WIF1: variants seen among roughly 807,000 people sequenced by gnomAD.
The protein encoded by WIF1 is Wnt inhibitory factor 1.
In WIF1, 35 loss-of-function variants were observed where a neutral mutation model predicts 53.5. That is an observed-to-expected ratio of 0.65 (90% confidence interval 0.50 to 0.87). WIF1 has a LOEUF of 0.87. Ranked by LOEUF, WIF1 falls within the 40% of genes least tolerant of loss-of-function variation. The pLI is 0.00. For synonymous variants in WIF1, 171 were observed against 170.4 expected (o/e 1.00, Z -0.03); for missense variants, 467 against 476.8 (o/e 0.98, Z 0.19).
chr12:65,092,673 G>A (rs1052361962), intron 2 of WIF1, among the ~76,000 whole-genome samples: 2 of 151,936 alleles, frequency 1.3e-5, no homozygotes, highest in African/African-American at 4.8e-5. Context: ...AAGTCCTTCA[G>A]GTGGCAGTGT....
chr12:65,065,447 A>G (rs1882673869), intron 6 of WIF1, among the ~76,000 whole-genome samples: 11 of 152,192 alleles, frequency 7.2e-5, no homozygotes. Context: ...AATACTTTAC[A>G]TATCTCAAAA....
At chr12:65,118,413 AT>A (rs1883545444) in intron 2 of WIF1, among the ~76,000 whole-genome samples, 1 of 152,238 alleles carries the variant, frequency 6.6e-6, no homozygotes, top group Non-Finnish European at 1.5e-5. Flanking sequence ...ACATAAAAAA[AT>A]AATATTTTAA....
intron 2 of WIF1, among the ~76,000 whole-genome samples, chr12:65,095,540 G>A (rs548797191): frequency 5.1e-4 from 77 of 152,110 alleles, no homozygotes; most frequent in Admixed American, 1.5e-3. Context: ...TCAATAGTCC[G>A]TTTTATTTTG....
chr12:65,096,256 A>G (rs1404693082), intron 2 of WIF1, among the ~76,000 whole-genome samples: 3 of 152,230 alleles, frequency 2.0e-5, no homozygotes, highest in Non-Finnish European at 4.4e-5. Flanking sequence ...TGATAAATAT[A>G]TAAAAATAAG....
intron 2 of WIF1, among the ~76,000 whole-genome samples, chr12:65,091,782 A>C (rs1483502430): frequency 1.3e-5 from 2 of 152,206 alleles, no homozygotes; most frequent in East Asian, 3.8e-4. Context: ...CACACAGAAG[A>C]GCAAATCATT....
chr12:65,109,308 A>C (rs906623417), intron 2 of WIF1, among the ~76,000 whole-genome samples: 1 of 152,150 alleles, frequency 6.6e-6, no homozygotes, highest in Non-Finnish European at 1.5e-5. Flanking sequence ...CAGTAGCAAA[A>C]TCCTCTAGCT....
intron 2 of WIF1, among the ~76,000 whole-genome samples, chr12:65,085,138 A>T (rs1344281264): frequency 3.3e-5 from 5 of 152,190 alleles, no homozygotes; most frequent in African/African-American, 9.6e-5. Flanking sequence ...TTTGCCTTCT[A>T]TAAATTACAG....
intron 9 of WIF1, among the ~76,000 whole-genome samples, chr12:65,052,213 T>C (rs140457740): frequency 1.7e-4 from 26 of 152,368 alleles, no homozygotes; most frequent in South Asian, 4.1e-4. Context: ...TGCATCTTCT[T>C]GTGCATCTGA....
chr12:65,109,946 T>C (rs1883405251), intron 2 of WIF1, among the ~76,000 whole-genome samples: 1 of 152,234 alleles, frequency 6.6e-6, no homozygotes, highest in African/African-American at 2.4e-5. Flanking sequence ...TGAATCTTTT[T>C]AAATTTGGCA....
intron 2 of WIF1, among the ~76,000 whole-genome samples, chr12:65,097,403 A>G (rs1299927814): frequency 6.6e-6 from 1 of 152,178 alleles, no homozygotes; most frequent in Admixed American, 6.6e-5. Context: ...AAAATGAGAA[A>G]TCTAGCCTCT....
chr12:65,094,343 A>C (rs1883169443), intron 2 of WIF1, among the ~76,000 whole-genome samples: 1 of 152,216 alleles, frequency 6.6e-6, no homozygotes, highest in African/African-American at 2.4e-5. Context: ...CCGACAAATC[A>C]TTGTTAAAAT....
At chr12:65,102,651 A>G (rs1383329322) in intron 2 of WIF1, among the ~76,000 whole-genome samples, 3 of 152,170 alleles carry the variant, frequency 2.0e-5, no homozygotes, top group African/African-American at 7.2e-5. Flanking sequence ...AACATCATAC[A>G]TGATGTTTTT....
chr12:65,108,771 G>A (rs1282991392), intron 2 of WIF1, among the ~76,000 whole-genome samples: 2 of 152,170 alleles, frequency 1.3e-5, no homozygotes, highest in Admixed American at 1.3e-4. Flanking sequence ...CTCATAGACA[G>A]AACTGTTGAA....
At chr12:65,092,037 G>A (rs1883130251) in intron 2 of WIF1, among the ~76,000 whole-genome samples, 1 of 152,094 alleles carries the variant, frequency 6.6e-6, no homozygotes, top group Non-Finnish European at 1.5e-5. Flanking sequence ...CTATGTGGAA[G>A]ACTTCAGTGG....
At chr12:65,069,628 T>A (rs1882743220) in intron 3 of WIF1, among the ~76,000 whole-genome samples, 1 of 152,170 alleles carries the variant, frequency 6.6e-6, no homozygotes, top group Non-Finnish European at 1.5e-5. Context: ...ATGGTTTATG[T>A]TCTTAAAGAG....
At chr12:65,083,733 T>C in intron 2 of WIF1, 1 of 335,470 alleles carries the variant, frequency 3.0e-6, no homozygotes, top group Non-Finnish European at 5.6e-6. Context: ...CCACTTGATT[T>C]CTCTTTTCTT....
At position 65,121,219 on chromosome 12, in the gene WIF1, A is replaced by G. The variant is rs1391114252; in HGVS notation, c.-28T>C. 9.7e-6 allele frequency: 14 copies of G among 1,447,182 alleles called. No homozygotes were observed. In the South Asian group the frequency reaches 1.7e-4, roughly 18 times the overall value. The allele number at this position is 1,447,182 out of a possible 1,614,324, so 89.6% of individuals were successfully genotyped here. On this transcript the variant is annotated 5_prime_UTR_variant, in exon 1 of 10. Transcript: ENST00000286574. Reference sequence around the variant, plus strand: ...TGCTCAGGACCTCCTCGCTGCCGGGAAAACTCCTCGTGCCGCACCTACGCA... The same window carrying G: ...TGCTCAGGACCTCCTCGCTGCCGGGGAAACTCCTCGTGCCGCACCTACGCA...
At chr12:65,087,237 C>T (rs1007283245) in intron 2 of WIF1, among the ~76,000 whole-genome samples, 1 of 152,078 alleles carries the variant, frequency 6.6e-6, no homozygotes, top group African/African-American at 2.4e-5. Context: ...TATCTAATTC[C>T]CTTGTTCTCT....
chr12:65,099,707 T>A (rs1188048346), intron 2 of WIF1, among the ~76,000 whole-genome samples: 1 of 152,220 alleles, frequency 6.6e-6, no homozygotes, highest in African/African-American at 2.4e-5. Context: ...TATACAGCTC[T>A]GGGAGCGCTG....
Sources: allele counts gnomAD v4.1 joint callset (sites outside exome capture counted in the v4.1 genomes callset), GRCh38; gene constraint gnomAD v4.1.1; transcripts MANE v1.5; gene names NCBI Gene and HGNC (gene_info 2026-07-23, HGNC 2026-07-21).